The following USH1C variants were observed in gnomAD, a reference collection of about 807,000 sequenced individuals.
The protein encoded by USH1C is harmonin.
Under a neutral mutation model 119.3 loss-of-function variants are expected in USH1C, and 90 were observed. The ratio of observed to expected loss-of-function variants is 0.75; its 90% confidence interval spans 0.64 to 0.90. USH1C has a LOEUF of 0.90. Among genes scored for constraint, USH1C ranks in the 40% least tolerant of loss-of-function variants. The pLI, the probability that USH1C is intolerant of heterozygous loss-of-function variation, is 0.00. For missense variants in USH1C, 1,165 were observed against 1,167.7 expected, an observed-to-expected ratio of 1.00 and a Z score of 0.03; for synonymous variants, 465 against 443.3, an observed-to-expected ratio of 1.05 and a Z score of -0.62.
chr11:17,497,344 T>C (rs1245582280), intron 24 of USH1C, among the ~76,000 whole-genome samples: 3 of 152,156 alleles, frequency 2.0e-5, no homozygotes, highest in Admixed American at 1.3e-4. Flanking sequence ...ATTGGAAATA[T>C]CACTGGGCCC....
In USH1C at chr11:17,501,092, A is replaced by G. The variant is rs570951456; in HGVS notation, c.2339T>C (p.Val780Ala). The change falls in exon 23 of 27, where the codon GTC (valine) becomes GCC (alanine). Residue 780 changes from valine (V) to alanine (A), a missense_variant. Transcript: ENST00000005226. ...GGVDSPIGKV[V>A]VSAVYERGAA... ...TCCCCGCTCATACACAGCAGAAACG[A>G]CCACCTTCCCAATGGGGGAGTCCAC... The G allele has an allele frequency of 6.2e-7, 1 of 1,613,988 alleles. No individual in the cohort carries two copies. Among genetic ancestry groups the G allele is most frequent in the Non-Finnish European group, 8.5e-7 (1 of 1,180,000 alleles).
rs1355882690 is a variant in USH1C, at chr11:17,505,908, C to T, written c.2055G>A (p.Val685=). 6.2e-7 allele frequency: 1 copy of T among 1,614,214 alleles called. No individual in the cohort carries two copies. Among genetic ancestry groups the T allele is most frequent in the African/African-American group, 1.3e-5 (1 of 75,058 alleles). The part of the protein sequence containing the change: ...PSPQPPRGPG[V]STISKPVMVH... ...CCATGACAGGTTTGGAGATGGTGGA[C>T]ACGCCAGGGCCTCGTGGAGGCTGTG... The change falls in exon 19 of 27, where the codon GTG becomes GTA. Residue 685 remains valine, a synonymous_variant. Coordinates refer to ENST00000005226, the MANE Select transcript of USH1C (RefSeq NM_153676.4).
intron 16 of USH1C, among the ~76,000 whole-genome samples, chr11:17,511,356 T>TA (rs2133825471): frequency 6.6e-6 from 1 of 152,038 alleles, no homozygotes; most frequent in South Asian, 2.1e-4. Context: ...GGTCTGGTCT[T>TA]ACAATAACCT....
intron 14 of USH1C, among the ~76,000 whole-genome samples, chr11:17,518,749 G>A (rs914982961): frequency 6.6e-5 from 10 of 152,320 alleles, no homozygotes; most frequent in Admixed American, 1.3e-4. Flanking sequence ...GCCAGGCACA[G>A]TGGCTCATGC....
At chr11:17,538,776 C>T (rs1394128461) in intron 1 of USH1C, among the ~76,000 whole-genome samples, 1 of 152,102 alleles carries the variant, frequency 6.6e-6, no homozygotes, top group Non-Finnish European at 1.5e-5. Flanking sequence ...CGTGGGGAGA[C>T]AGGAACTGAG....
At chr11:17,498,761 T>C (rs1188516566) in intron 23 of USH1C, among the ~76,000 whole-genome samples, 1 of 152,242 alleles carries the variant, frequency 6.6e-6, no homozygotes, top group Non-Finnish European at 1.5e-5. Flanking sequence ...CAGTCGAATG[T>C]AGATCTTGCC....
In USH1C at chr11:17,496,800, A is replaced by G; in HGVS notation, c.2504T>C (p.Leu835Pro). ...AWNQGGDWID[L>P]VVAVCPPKEY... ...CTTTGGGGGGCAGACGGCAACCACA[A>G]GGTCGATCCAGTCCTGTGGGGAGAA... The change falls in exon 25 of 27, where the codon CTT (leucine) becomes CCT (proline). Residue 835 changes from leucine to proline, a missense_variant. By Grantham distance (98) the Leu-to-Pro change is moderately conservative. Transcript: ENST00000005226. The G allele has an allele frequency of 6.2e-7, 1 of 1,614,186 alleles. No individual in the cohort carries two copies. Among genetic ancestry groups the G allele is most frequent in the Non-Finnish European group, 8.5e-7 (1 of 1,179,998 alleles).
At chr11:17,496,246 A>G (rs1451947879) in intron 25 of USH1C, among the ~76,000 whole-genome samples, 1 of 152,174 alleles carries the variant, frequency 6.6e-6, no homozygotes, top group East Asian at 1.9e-4. Flanking sequence ...CAAGAGACAG[A>G]CACACAGGGA....
intron 19 of USH1C, 31 bp downstream of exon 19, chr11:17,505,799 A>C: frequency 6.2e-7 from 1 of 1,613,714 alleles, no homozygotes; most frequent in Middle Eastern, 1.7e-4. Flanking sequence ...GCTCCTCTAG[A>C]GACAACCTGG....
intron 1 of USH1C, among the ~76,000 whole-genome samples, chr11:17,540,093 A>G (rs1220133126): frequency 8.6e-5 from 13 of 151,768 alleles, no homozygotes; most frequent in Admixed American, 7.2e-4. Flanking sequence ...CAGCCTCCCA[A>G]AATGCTGGGA....
chr11:17,543,444 C>G (rs574438528), intron 1 of USH1C, among the ~76,000 whole-genome samples: 1 of 152,238 alleles, frequency 6.6e-6, no homozygotes, highest in East Asian at 1.9e-4. Flanking sequence ...CATCCCCAGA[C>G]TCAGAGGCAT....
In USH1C at chr11:17,527,349, G is replaced by T. The variant is rs749104855; in HGVS notation, c.388-18C>A. The T allele has an allele frequency of 3.1e-6, 5 of 1,591,884 alleles. No homozygotes were observed. The highest frequency in any genetic ancestry group is 4.3e-6 in the Non-Finnish European group (5 of 1,165,406). On this transcript the variant is annotated intron_variant, in intron 4 of 26. Transcript: ENST00000005226. ...TCCCCTACCTTGACCACAGAGAGAG[G>T]CAGGGAGCACCAGGTGGAGGGAGCA...
At chr11:17,511,809 G>A (rs1849903481) in intron 16 of USH1C, 93 bp downstream of exon 16, 3 of 1,470,776 alleles carry the variant, frequency 2.0e-6, no homozygotes, top group Non-Finnish European at 2.8e-6. Context: ...GCCATTTGAG[G>A]AGAACAACTC....
At chr11:17,508,569 C>T (rs1420932068) in intron 18 of USH1C, among the ~76,000 whole-genome samples, 2 of 152,196 alleles carry the variant, frequency 1.3e-5, no homozygotes, top group East Asian at 3.8e-4. Flanking sequence ...TTGTTTTTCC[C>T]TTCATGGGAT....
At chr11:17,533,232 A>G in intron 2 of USH1C, 23 bp downstream of exon 2, 3 of 1,607,208 alleles carry the variant, frequency 1.9e-6, no homozygotes, top group South Asian at 1.1e-5. Context: ...GTGGCCCACA[A>G]GAGCTGGACC....
chr11:17,495,586 G>A lies in USH1C; in HGVS notation c.2638C>T (p.Leu880=). 1 of 1,614,156 alleles carries A rather than the reference G, an allele frequency of 6.2e-7. No homozygotes were observed. The change falls in exon 26 of 27, where the codon CTG becomes TTG. Residue 880 remains leucine, a synonymous_variant. Transcript: ENST00000005226. The stretch of plus-strand genomic sequence containing the variant: ...CTATTCACCGTGGGCTCCAGCTGCA[G>A]GAGGAACCCGTGTCTGTGCACGGCA... ...RAAVHRHGFL[L]QLEPTDLLLK...
intron 14 of USH1C, among the ~76,000 whole-genome samples, chr11:17,517,783 G>GA (rs1282184754): frequency 4.6e-5 from 7 of 152,238 alleles, no homozygotes; most frequent in Non-Finnish European, 7.3e-5. Flanking sequence ...GCTGGGAAGT[G>GA]CAGTGAGGAG....
At chr11:17,522,763 T>C (rs1565050435) in intron 12 of USH1C, 21 bp downstream of exon 12, 1 of 1,613,724 alleles carries the variant, frequency 6.2e-7, no homozygotes, top group Non-Finnish European at 8.5e-7. Flanking sequence ...GGACAGGGCA[T>C]CCAGGGCTGG....
chr11:17,502,144 T>C lies in USH1C; in HGVS notation c.2185-164A>G, dbSNP rs1849471771. On this transcript the variant is annotated intron_variant, in intron 20 of 26. Transcript: ENST00000005226. ...GATGCAGACAGGAGGCCGGCAGCCC[T>C]AGCAGCCAGGGCACCCCTGTTCAGG... 4 of 629,734 alleles carry C rather than the reference T, an allele frequency of 6.4e-6. No homozygotes were observed. The African/African-American group carries it at 7.4e-5, about 12-fold the overall frequency. 39.0% of individuals were successfully genotyped at this position (629,734 alleles called of 1,614,324 possible).
Sources: allele counts gnomAD v4.1 joint callset (sites outside exome capture counted in the v4.1 genomes callset), GRCh38; gene constraint gnomAD v4.1.1; transcripts MANE v1.5; gene names NCBI Gene and HGNC (gene_info 2026-07-23, HGNC 2026-07-21).